Variants in ERBB3 observed in about 807,000 individuals in gnomAD.
The protein encoded by ERBB3 is erb-b2 receptor tyrosine kinase 3, also known as receptor tyrosine-protein kinase erbB-3.
A neutral mutation model predicts 156.7 loss-of-function variants in ERBB3; 96 were observed. That is an observed-to-expected ratio of 0.61 (90% CI 0.52 to 0.73). ERBB3 has a LOEUF of 0.73. ERBB3 is among the 30% of genes least tolerant of loss of function. The pLI, the probability that ERBB3 is intolerant of heterozygous loss-of-function variation, is 0.00. For synonymous variants in ERBB3, 567 were observed against 632.0 expected (o/e 0.90, Z 1.54); for missense variants, 1,406 against 1,709.4 (o/e 0.82, Z 3.13).
chr12:56,083,656 G>A, intron 1 of ERBB3, 95 bp from the exon 2 acceptor site: 3 of 1,427,820 alleles, frequency 2.1e-6, no homozygotes, highest in Non-Finnish European at 3.0e-6. Context: ...TAATGTAACT[G>A]GAAGAGGGCA....
rs776335440 is a variant in ERBB3 at position 56,093,427 on chromosome 12, C to T, written c.1357C>T (p.Arg453Cys). ...FRSLKEISAG[R>C]IYISANRQLC... is the part of the protein sequence containing the mutation. Reference sequence around the variant, plus strand: ...ATCCCTGAAGGAAATTAGTGCTGGGCGTATCTATATAAGTGCCAATAGGCA... The same window carrying T: ...ATCCCTGAAGGAAATTAGTGCTGGGTGTATCTATATAAGTGCCAATAGGCA... Residue 453 changes from arginine to cysteine, a missense_variant, in exon 12 of 28, where the codon CGT (arginine) becomes TGT (cysteine). Transcript: ENST00000267101. 23 of 1,613,832 alleles carry T rather than the reference C, an allele frequency of 1.4e-5. No homozygotes were observed. Among genetic ancestry groups the T allele is most frequent in the Non-Finnish European group, 1.7e-5 (20 of 1,179,934 alleles).
intron 23 of ERBB3, among the ~76,000 whole-genome samples, chr12:56,099,412 A>G (rs1395222038): frequency 1.3e-5 from 2 of 151,060 alleles, no homozygotes; most frequent in Non-Finnish European, 2.9e-5. Context: ...CTTCTGTCTC[A>G]GCCTCCCAGA....
intron 23 of ERBB3, 49 bp downstream of exon 23, chr12:56,098,954 TC>T (rs370552281): frequency 4.6e-5 from 70 of 1,523,934 alleles, no homozygotes; most frequent in Admixed American, 1.3e-4. Flanking sequence ...TCTTTTTTTT[TC>T]TTTTTTTTTT....
chr12:56,086,666 C>T lies in ERBB3; in HGVS notation c.547+10C>T. 6.2e-6 allele frequency: 10 copies of T among 1,613,834 alleles called. No individual in the cohort carries two copies. Among genetic ancestry groups the T allele is most frequent in the South Asian group, 1.1e-5 (1 of 91,066 alleles). ...GACAATGGCAGAAGCTGTAAGTGGC[C>T]GTGATCAAGATTGCTCCCCAGTCCC... is the stretch of plus-strand genomic sequence containing the variant. On this transcript the variant is annotated intron_variant, in intron 4 of 27. Coordinates refer to ENST00000267101, the MANE Select transcript of ERBB3 (RefSeq NM_001982.4).
chr12:56,083,453 G>C (rs571791159), intron 1 of ERBB3: 335 of 432,716 alleles, frequency 7.7e-4, no homozygotes, highest in Non-Finnish European at 1.2e-3. Context: ...CAAATTCCCT[G>C]TCTTCCTTCT....
At position 56,083,869 on chromosome 12, in the gene ERBB3, C is replaced by T. The variant is rs748210428; in HGVS notation, c.201C>T (p.Leu67=). 1 of 1,614,070 alleles carries T rather than the reference C, an allele frequency of 6.2e-7. No individual in the cohort carries two copies. The highest frequency in any genetic ancestry group is 1.1e-5 in the South Asian group (1 of 91,068). ...EVVMGNLEIV[L]TGHNADLSFL... The stretch of plus-strand genomic sequence containing the variant: ...TGATGGGGAACCTTGAGATTGTGCT[C>T]ACGGGACACAATGCCGACCTCTCCT... The change falls in exon 2 of 28, where the codon CTC becomes CTT. Residue 67 remains leucine (L), a synonymous_variant. Coordinates refer to ENST00000267101, the MANE Select transcript of ERBB3 (RefSeq NM_001982.4).
rs749691155 is a variant in ERBB3, at chr12:56,083,849, G to A, written c.181G>A (p.Gly61Arg). ...CTACGAGAGGTGTGAGGTGGTGATG[G>A]GGAACCTTGAGATTGTGCTCACGGG... ...KLYERCEVVM[G>R]NLEIVLTGHN... The change falls in exon 2 of 28, where the codon GGG becomes AGG. Residue 61 changes from glycine (G) to arginine (R), a missense_variant. This residue lies in a region of ERBB3 where 979 missense variants were observed against 1,219.6 expected (regional missense o/e 0.80). Transcript: ENST00000267101. 1.2e-6 allele frequency: 2 copies of A among 1,613,946 alleles called. No homozygotes were observed. The highest frequency in any genetic ancestry group is 2.7e-5 in the African/African-American group (2 of 74,864).
At chr12:56,086,444 C>T (rs750477909) in intron 3 of ERBB3, 87 bp from the exon 4 acceptor site, 3 of 1,525,028 alleles carry the variant, frequency 2.0e-6, no homozygotes, top group East Asian at 2.3e-5. Flanking sequence ...ACTCCTGAGT[C>T]TCAGGTGTCC....
intron 10 of ERBB3, 37 bp downstream of exon 10, chr12:56,092,857 G>A: frequency 6.3e-7 from 1 of 1,588,368 alleles, no homozygotes; most frequent in Non-Finnish European, 8.6e-7. Context: ...TAGAAGAATA[G>A]GTGAACCACT....
chr12:56,094,678 G>A (rs1381724311), intron 15 of ERBB3, 122 bp downstream of exon 15: 45 of 1,198,002 alleles, frequency 3.8e-5, no homozygotes, highest in Middle Eastern at 2.8e-4. Flanking sequence ...CTGGCCGGGC[G>A]CAGTGGCTCA....
intron 12 of ERBB3, 66 bp from the exon 13 acceptor site, chr12:56,093,698 A>G: frequency 1.9e-6 from 3 of 1,606,670 alleles, no homozygotes; most frequent in Non-Finnish European, 2.6e-6. Context: ...AACGAGGAAG[A>G]ATAATGAAGA....
At chr12:56,080,466 C>A in intron 1 of ERBB3, 84 bp downstream of exon 1, 1 of 1,142,840 alleles carries the variant, frequency 8.8e-7, no homozygotes, top group East Asian at 2.6e-5. Context: ...TGGGCACGGT[C>A]TCAGGCGGCG....
intron 10 of ERBB3, 55 bp downstream of exon 10, chr12:56,092,875 ATTGCG>A: frequency 6.4e-7 from 1 of 1,567,382 alleles, no homozygotes; most frequent in Non-Finnish European, 8.8e-7. Context: ...ACTGGCATAA[ATTGCG>A]GTATAACTAC....
chr12:56,090,066 CT>C (rs1312002904), intron 9 of ERBB3, among the ~76,000 whole-genome samples: 1 of 151,488 alleles, frequency 6.6e-6, no homozygotes, highest in African/African-American at 2.4e-5. Context: ...TCTTGGCTCA[CT>C]GCAACCTCCG....
At position 56,093,538 on chromosome 12, in the gene ERBB3, C is replaced by A. The variant is rs775042280; in HGVS notation, c.1468C>A (p.Arg490Ser). 6.2e-7 allele frequency: 1 copy of A among 1,611,766 alleles called. No individual in the cohort carries two copies. Among genetic ancestry groups the A allele is most frequent in the African/African-American group, 1.3e-5 (1 of 74,876 alleles). ...ERLDIKHNRP[R>S]RDCVAEGKVC... Reference sequence around the variant, plus strand: ...ACTAGACATCAAGCATAATCGGCCGCGCAGAGACTGCGGTGAGGGAAAGGG... The same window carrying A: ...ACTAGACATCAAGCATAATCGGCCGAGCAGAGACTGCGGTGAGGGAAAGGG... The change falls in exon 12 of 28, where the codon CGC (arginine) becomes AGC (serine). Residue 490 changes from arginine (R) to serine (S), a missense_variant. By Grantham distance (110) the Arg-to-Ser change is moderately radical. Around this residue, in one of 3 missense-constraint regions of ERBB3, gnomAD observed 979 missense variants for 1,219.6 expected, o/e 0.80. Transcript: ENST00000267101.
chr12:56,083,534 C>CATGGTGAAAAT, intron 1 of ERBB3: 1 of 596,080 alleles, frequency 1.7e-6, no homozygotes, highest in Non-Finnish European at 3.0e-6. Flanking sequence ...TTTTCACCTT[C>CATGGTGAAAAT]CCATTCATGG....
At chr12:56,100,948 A>G in intron 26 of ERBB3, 113 bp from the exon 27 acceptor site, 1 of 760,724 alleles carries the variant, frequency 1.3e-6, no homozygotes, top group Non-Finnish European at 2.0e-6. Flanking sequence ...TCAAAAAAAA[A>G]AAAAAAAAAA....
rs1555212517 is a variant in ERBB3 at position 56,099,835 on chromosome 12, T to G, written c.2938-3T>G. ...TCCCCCTAACAATCACCTATCGATA[T>G]AGAGAGAGAGTGGGCCTGGAATAGC... On this transcript the variant is annotated splice_polypyrimidine_tract_variant and splice_region_variant and intron_variant, in intron 24 of 27. Transcript: ENST00000267101. The G allele has an allele frequency of 1.2e-6, 2 of 1,613,434 alleles. No individual in the cohort carries two copies. The highest frequency in any genetic ancestry group is 1.1e-5 in the South Asian group (1 of 90,964).
Position 56,088,630 on chromosome 12 carries a change from A to G in ERBB3, c.962A>G (p.Glu321Gly), listed in dbSNP as rs2136797464. ...GATAAAAATGGGCTCAAGATGTGTGAGCCTTGTGGGGGACTATGTCCCAAA... is the reference window on the plus strand; with the variant it reads ...GATAAAAATGGGCTCAAGATGTGTGGGCCTTGTGGGGGACTATGTCCCAAA... ...EVDKNGLKMCEPCGGLCPKAC... is the reference protein window; with the variant it reads ...EVDKNGLKMCGPCGGLCPKAC... The change falls in exon 8 of 28, where the codon GAG becomes GGG. Residue 321 changes from glutamate (E) to glycine (G), a missense_variant. This residue lies in a region of ERBB3 where 979 missense variants were observed against 1,219.6 expected (regional missense o/e 0.80). Coordinates refer to ENST00000267101, the MANE Select transcript of ERBB3 (RefSeq NM_001982.4). 6.2e-7 allele frequency: 1 copy of G among 1,614,052 alleles called. No homozygotes were observed.
Sources: gnomAD v4.1 joint callset for allele counts (sites outside exome capture counted in the v4.1 genomes callset) on GRCh38, gnomAD v4.1.1 for gene constraint, gnomAD v4.1.1 regional missense constraint, MANE v1.5 for transcripts, NCBI Gene and HGNC (gene_info 2026-07-23, HGNC 2026-07-21) for gene names.